NFU1: variants seen among roughly 807,000 people sequenced by gnomAD.
NFU1 encodes NFU1 iron-sulfur cluster scaffold.
NFU1 carries 30 observed loss-of-function variants against 32.2 expected under a neutral mutation model. That is an observed-to-expected ratio of 0.93 (90% confidence interval 0.70 to 1.26). The LOEUF is 1.26. Among genes scored for constraint, NFU1 ranks in the 50% most tolerant of loss-of-function variants. NFU1 has a pLI of 0.00. For synonymous variants in NFU1, 112 were observed against 104.6 expected, an observed-to-expected ratio of 1.07 and a Z score of -0.43; for missense variants, 306 against 306.6, an observed-to-expected ratio of 1.00 and a Z score of 0.02.
chr2:69,424,203 A>ATATATATGTG (rs1673376791), intron 2 of NFU1, among the ~76,000 whole-genome samples: 1 of 115,544 alleles, frequency 8.7e-6, no homozygotes, highest in Admixed American at 8.7e-5. Flanking sequence ...AAAAAAATAT[A>ATATATATGTG]TATATATATA....
At chr2:69,407,026 C>T (rs1466156872) in intron 5 of NFU1, among the ~76,000 whole-genome samples, 1 of 152,124 alleles carries the variant, frequency 6.6e-6, no homozygotes, top group Non-Finnish European at 1.5e-5. Context: ...CTTCCCCTTC[C>T]GCCATGATTG....
intron 1 of NFU1, among the ~76,000 whole-genome samples, chr2:69,436,007 G>T (rs2104824246): frequency 6.6e-6 from 1 of 150,662 alleles, no homozygotes; most frequent in South Asian, 2.1e-4. Context: ...ACCTCTCAAA[G>T]TGCTGGGATT....
At chr2:69,431,544 C>T (rs1333922466) in intron 2 of NFU1, among the ~76,000 whole-genome samples, 5 of 152,200 alleles carry the variant, frequency 3.3e-5, no homozygotes, top group Admixed American at 1.3e-4. Context: ...TGGGCTCAAG[C>T]GATCAACCTG....
Position 69,407,534 on chromosome 2 carries a change from G to A in NFU1, c.485-1452C>T, listed in dbSNP as rs540555564. The stretch of plus-strand genomic sequence containing the variant: ...TTTACTAAAAATACAAAAATTAGCC[G>A]GGTGTGGTGGTAGGTGCCTGTAATC... On this transcript the variant is annotated intron_variant, in intron 5 of 7. Coordinates refer to ENST00000410022, the MANE Select transcript of NFU1 (RefSeq NM_001002755.4). Among the ~76,000 whole-genome samples the A allele has an allele frequency of 3.3e-5, 5 of 151,264 alleles. No homozygotes were observed. The South Asian group carries it at 6.3e-4, about 19-fold the overall frequency.
At chr2:69,437,248 G>T in intron 1 of NFU1, 113 bp downstream of exon 1, 1 of 1,501,892 alleles carries the variant, frequency 6.7e-7, no homozygotes, top group East Asian at 2.5e-5. Flanking sequence ...GGACCCGCCG[G>T]CTCCATCAGA....
At chr2:69,417,461 A>G (rs1673093334) in intron 4 of NFU1, among the ~76,000 whole-genome samples, 1 of 150,968 alleles carries the variant, frequency 6.6e-6, no homozygotes. Context: ...TGGGCAACAT[A>G]GAAGGACACT....
chr2:69,411,585 G>C (rs1672880286), intron 5 of NFU1, among the ~76,000 whole-genome samples: 1 of 152,022 alleles, frequency 6.6e-6, no homozygotes, highest in African/African-American at 2.4e-5. Context: ...TATACAGAGA[G>C]AATGAGACTT....
At position 69,399,143 on chromosome 2, in the gene NFU1, G is replaced by GGTTGCAGT. The variant is rs549166041; in HGVS notation, c.720+1213_720+1220dup. 490 of 252,104 alleles carry GGTTGCAGT rather than the reference G, an allele frequency of 1.9e-3. 3 individuals are homozygous for GGTTGCAGT. The highest frequency in any genetic ancestry group is 0.011 in the African/African-American group (465 of 42,770). The allele number at this position is 252,104 out of a possible 1,614,324, so 15.6% of individuals were successfully genotyped here. ...GAACTGCTTCAACCTGGGAGGTGGA[G>GGTTGCAGT]GTTGCAGTGAGCCGAGATAGCGTGT... On this transcript the variant is annotated intron_variant, in intron 7 of 7. Coordinates refer to ENST00000410022, the MANE Select transcript of NFU1 (RefSeq NM_001002755.4).
intron 5 of NFU1, among the ~76,000 whole-genome samples, chr2:69,410,299 G>C (rs1335597523): frequency 2.0e-5 from 3 of 152,152 alleles, no homozygotes; most frequent in Non-Finnish European, 4.4e-5. Flanking sequence ...TGAGGCAGGA[G>C]AATCGCTTGA....
At chr2:69,437,282 G>C (rs1169622415) in intron 1 of NFU1, 79 bp downstream of exon 1, 4 of 1,542,054 alleles carry the variant, frequency 2.6e-6, no homozygotes, top group Non-Finnish European at 3.5e-6. Flanking sequence ...CGCCTCGAGA[G>C]AGGGTCTGCA....
At chr2:69,424,170 C>CA (rs57078704) in intron 2 of NFU1, among the ~76,000 whole-genome samples, 544 of 42,960 alleles carry the variant, frequency 0.013, 54 homozygotes, top group Middle Eastern at 0.067. Flanking sequence ...GACTCTGTCT[C>CA]AAAAAAAAAA....
At chr2:69,439,382 G>A (rs186024356), upstream of NFU1, among the ~76,000 whole-genome samples, 60 of 152,250 alleles carry the variant, frequency 3.9e-4, no homozygotes, top group Non-Finnish European at 6.6e-4. Context: ...AGATGTGTCC[G>A]GAGTTTGTTT....
chr2:69,415,072 T>C (rs1360814755), intron 5 of NFU1, 113 bp downstream of exon 5: 2 of 691,242 alleles, frequency 2.9e-6, no homozygotes, highest in East Asian at 2.7e-5. Flanking sequence ...GAGCTAAATA[T>C]ATTAAATGAT....
chr2:69,403,540 ACACCCAG>A (rs1027338447), intron 6 of NFU1, among the ~76,000 whole-genome samples: 15 of 151,932 alleles, frequency 9.9e-5, no homozygotes, highest in Non-Finnish European at 2.1e-4. Flanking sequence ...GCACACCACC[ACACCCAG>A]CTAATTTTTT....
In NFU1 at chr2:69,400,705, A is replaced by T. The variant is rs553691522; in HGVS notation, c.546-167T>A. Among the ~76,000 whole-genome samples, 197 of 150,006 alleles carry T rather than the reference A, an allele frequency of 1.3e-3. 1 individual carries two copies. Among genetic ancestry groups the T allele is most frequent in the African/African-American group, 4.0e-3 (163 of 40,974 alleles). On this transcript the variant is annotated intron_variant, in intron 6 of 7. Coordinates refer to ENST00000410022, the MANE Select transcript of NFU1 (RefSeq NM_001002755.4). ...GTGGCTAAGTTTTATTTAGAATTAA[A>T]TTTTTTTTTTTTACTCTCAGGTAAA...
At chr2:69,397,954 C>G (rs1672394403) in intron 7 of NFU1, among the ~76,000 whole-genome samples, 1 of 149,606 alleles carries the variant, frequency 6.7e-6, no homozygotes, top group African/African-American at 2.5e-5. Flanking sequence ...TGGCTCTGAT[C>G]TGAGACAATC....
chr2:69,420,377 T>C (rs1004523200), intron 3 of NFU1, among the ~76,000 whole-genome samples: 1 of 152,236 alleles, frequency 6.6e-6, no homozygotes, highest in Admixed American at 6.5e-5. Context: ...CTCTAACTAA[T>C]CTATAACTGA....
intron 5 of NFU1, among the ~76,000 whole-genome samples, chr2:69,412,034 A>G (rs1434163469): frequency 6.6e-6 from 1 of 152,140 alleles, no homozygotes; most frequent in Non-Finnish European, 1.5e-5. Context: ...CAACCTAACA[A>G]GATCTCATCT....
intron 2 of NFU1, among the ~76,000 whole-genome samples, chr2:69,428,351 G>A (rs1176910163): frequency 1.3e-5 from 2 of 152,034 alleles, no homozygotes; most frequent in East Asian, 3.9e-4. Context: ...CTTGAACCCA[G>A]GAGAGGGAGG....
Sources: gnomAD v4.1 joint callset for allele counts (sites outside exome capture counted in the v4.1 genomes callset) on GRCh38, gnomAD v4.1.1 for gene constraint, MANE v1.5 for transcripts, NCBI Gene and HGNC (gene_info 2026-07-23, HGNC 2026-07-21) for gene names.